AKAP7: variants seen among roughly 807,000 people sequenced by gnomAD.
AKAP7 encodes the protein A-kinase anchoring protein 7.
AKAP7 carries 39 observed loss-of-function variants against 39.5 expected under a neutral mutation model. The observed-to-expected ratio is 0.99, with a 90% confidence interval of 0.76 to 1.29. The LOEUF is 1.29. AKAP7 is among the 50% of genes most tolerant of loss of function. The probability of loss-of-function intolerance (pLI) is 0.00; values close to 1 mark genes in which losing one functional copy is unlikely to be tolerated. For synonymous variants in AKAP7, 140 were observed against 139.1 expected, an observed-to-expected ratio of 1.01 and a Z score of -0.05; for missense variants, 414 against 407.7, an observed-to-expected ratio of 1.02 and a Z score of -0.13.
At chr6:131,211,767 C>T (rs1239419627) in intron 6 of AKAP7, among the ~76,000 whole-genome samples, 17 of 99,232 alleles carry the variant, frequency 1.7e-4, no homozygotes, top group Admixed American at 1.6e-3. Flanking sequence ...AGTGAGACTC[C>T]GTCTCAAAAA....
chr6:131,161,288 A>G (rs1334229662), intron 3 of AKAP7, among the ~76,000 whole-genome samples: 1 of 152,144 alleles, frequency 6.6e-6, no homozygotes, highest in Non-Finnish European at 1.5e-5. Flanking sequence ...GATGTACTGA[A>G]GAATCATATT....
chr6:131,197,627 C>T (rs1475042069), intron 5 of AKAP7, among the ~76,000 whole-genome samples: 2 of 151,826 alleles, frequency 1.3e-5, no homozygotes, highest in African/African-American at 4.8e-5. Context: ...TCAAATTTAC[C>T]AATATTTTGC....
intron 5 of AKAP7, among the ~76,000 whole-genome samples, chr6:131,172,603 C>T (rs1336810042): frequency 1.3e-5 from 2 of 152,114 alleles, no homozygotes; most frequent in East Asian, 3.9e-4. Flanking sequence ...GTTGGGATTA[C>T]AGGCATGAGC....
intron 7 of AKAP7, among the ~76,000 whole-genome samples, chr6:131,237,117 G>C (rs140261092): frequency 0.027 from 4,157 of 152,186 alleles, 81 homozygotes; most frequent in Middle Eastern, 0.041. Flanking sequence ...TAGCATGAAG[G>C]GTTGTTGAAT....
chr6:131,236,736 A>G (rs1176124258), intron 7 of AKAP7, among the ~76,000 whole-genome samples: 3 of 152,036 alleles, frequency 2.0e-5, no homozygotes, highest in Non-Finnish European at 2.9e-5. Flanking sequence ...GAATGCTTGT[A>G]ATTTTTGCAC....
chr6:131,196,413 G>A (rs760648651), intron 5 of AKAP7, among the ~76,000 whole-genome samples: 112 of 151,836 alleles, frequency 7.4e-4, no homozygotes, highest in Non-Finnish European at 1.3e-3. Flanking sequence ...TTACAGGCAC[G>A]CCATCACACC....
At chr6:131,135,018 T>C (rs1332197301), upstream of AKAP7, among the ~76,000 whole-genome samples, 2 of 152,212 alleles carry the variant, frequency 1.3e-5, no homozygotes, top group Non-Finnish European at 2.9e-5. Context: ...CATAACATCA[T>C]TGTTAAAAAT....
intron 5 of AKAP7, among the ~76,000 whole-genome samples, chr6:131,182,113 A>C (rs1171495568): frequency 6.7e-6 from 1 of 149,408 alleles, no homozygotes; most frequent in African/African-American, 2.4e-5. Flanking sequence ...GTGACAGAGC[A>C]AGAGTCCGTC....
chr6:131,140,579 C>T (rs1175649040), intron 1 of AKAP7, among the ~76,000 whole-genome samples: 1 of 152,154 alleles, frequency 6.6e-6, no homozygotes, highest in Admixed American at 6.6e-5. Context: ...AGCACAAGAA[C>T]TTGGAAGCTA....
intron 7 of AKAP7, among the ~76,000 whole-genome samples, chr6:131,264,149 G>T (rs1468888024): frequency 6.6e-6 from 1 of 152,222 alleles, no homozygotes; most frequent in Admixed American, 6.5e-5. Flanking sequence ...CCCTGTGACT[G>T]AAAGTATGTG....
At chr6:131,130,894 T>C (rs987618008), upstream of AKAP7, among the ~76,000 whole-genome samples, 1 of 152,056 alleles carries the variant, frequency 6.6e-6, no homozygotes, top group Non-Finnish European at 1.5e-5. Flanking sequence ...ATTTAGATGT[T>C]AATGTTATAC....
Position 131,237,704 on chromosome 6 carries a change from T to C in AKAP7, c.850+17896T>C, listed in dbSNP as rs529730092. On this transcript the variant is annotated intron_variant, in intron 7 of 7. Coordinates refer to ENST00000431975, the MANE Select transcript of AKAP7 (RefSeq NM_016377.4). Reference sequence around the variant, plus strand: ...TAGTTTATTTGCCTAGAGGTGTTTATAGTATTCTCTGATGGTAGTTTGTAT... The same window carrying C: ...TAGTTTATTTGCCTAGAGGTGTTTACAGTATTCTCTGATGGTAGTTTGTAT... Among the ~76,000 whole-genome samples, 6 of 152,362 alleles carry C rather than the reference T, an allele frequency of 3.9e-5. No individual in the cohort carries two copies. The East Asian group carries it at 9.6e-4, about 24-fold the overall frequency.
intron 7 of AKAP7, among the ~76,000 whole-genome samples, chr6:131,222,086 C>T (rs898231267): frequency 1.1e-4 from 17 of 152,274 alleles, no homozygotes; most frequent in African/African-American, 3.9e-4. Context: ...TTCTAGATGT[C>T]ATTAAGAACA....
At chr6:131,159,375 G>A (rs909065981) in intron 2 of AKAP7, among the ~76,000 whole-genome samples, 3 of 152,100 alleles carry the variant, frequency 2.0e-5, no homozygotes. Context: ...TTACAGGCGT[G>A]AGCCACCGAG....
rs777013083 is a variant in AKAP7, at chr6:131,160,162, C to G, written c.255C>G (p.Pro85=). The G allele has an allele frequency of 1.2e-6, 2 of 1,611,420 alleles. No individual in the cohort carries two copies. Among genetic ancestry groups the G allele is most frequent in the Middle Eastern group, 1.6e-4 (1 of 6,068 alleles). The change falls in exon 3 of 8, where the codon CCC becomes CCG. Residue 85 remains proline (P), a synonymous_variant. Transcript: ENST00000431975. Reference sequence around the variant, plus strand: ...AAAAAAAGAGAAAAGATTATCAACCCAACTATTTCCTGTCCATTCCAATCA... The same window carrying G: ...AAAAAAAGAGAAAAGATTATCAACCGAACTATTTCCTGTCCATTCCAATCA... The part of the protein sequence containing the change: ...KRKKKRKDYQ[P]NYFLSIPITN...
intron 7 of AKAP7, among the ~76,000 whole-genome samples, chr6:131,256,526 C>A (rs1812866121): frequency 6.6e-6 from 1 of 152,082 alleles, no homozygotes; most frequent in Non-Finnish European, 1.5e-5. Flanking sequence ...TTATTCCCAG[C>A]CCCCAGTAGA....
chr6:131,135,877 C>A (rs1404998731), intron 1 of AKAP7, 95 bp downstream of exon 1: 18 of 1,184,436 alleles, frequency 1.5e-5, no homozygotes, highest in Non-Finnish European at 1.9e-5. Context: ...GGGCCTGACC[C>A]GCGCCGGCCC....
intron 6 of AKAP7, 114 bp from the exon 7 acceptor site, chr6:131,219,547 G>T (rs769773554): frequency 1.1e-6 from 1 of 917,918 alleles, no homozygotes; most frequent in Non-Finnish European, 1.6e-6. Flanking sequence ...GTGCCAGTAG[G>T]CAGTGGTGTA....
intron 7 of AKAP7, among the ~76,000 whole-genome samples, chr6:131,226,250 A>G (rs1247413684): frequency 2.6e-5 from 4 of 152,192 alleles, no homozygotes; most frequent in Admixed American, 6.5e-5. Context: ...TTACATTTCT[A>G]TGGTGAACAT....
Sources: gnomAD v4.1 joint callset for allele counts (sites outside exome capture counted in the v4.1 genomes callset) on GRCh38, gnomAD v4.1.1 for gene constraint, MANE v1.5 for transcripts, NCBI Gene and HGNC (gene_info 2026-07-23, HGNC 2026-07-21) for gene names.